The following SULT1E1 variants were observed in gnomAD, a reference collection of about 807,000 sequenced individuals.
SULT1E1 encodes the protein sulfotransferase 1E1.
Under a neutral mutation model 33.6 loss-of-function variants are expected in SULT1E1, and 36 were observed. The observed-to-expected ratio is 1.07, with a 90% CI of 0.82 to 1.41. SULT1E1 has a LOEUF of 1.41. Among genes scored for constraint, SULT1E1 ranks in the 40% most tolerant of loss-of-function variants. SULT1E1 has a pLI of 0.00. For missense variants in SULT1E1, 371 were observed against 345.7 expected (o/e 1.07, Z -0.58); for synonymous variants, 121 against 111.7 (o/e 1.08, Z -0.53).
the SULT1E1 span, among the ~76,000 whole-genome samples, chr4:69,834,270 A>C: frequency 6.6e-6 from 1 of 152,188 alleles, no homozygotes; most frequent in Non-Finnish European, 1.5e-5. Context: ...TAACATTTCA[A>C]ATTTGACACA....
At chr4:69,847,836 A>G (rs1721013534) in intron 5 of SULT1E1, 44 bp from the exon 6 acceptor site, 2 of 1,252,800 alleles carry the variant, frequency 1.6e-6, no homozygotes, top group Admixed American at 1.9e-5. Flanking sequence ...TATCATCTCT[A>G]AAACTGCTCG....
the SULT1E1 span, among the ~76,000 whole-genome samples, chr4:69,831,896 C>T: frequency 1.3e-5 from 2 of 152,184 alleles, no homozygotes; most frequent in Non-Finnish European, 1.5e-5. Context: ...TTACTTCCTG[C>T]GTTAGTCCCT....
rs114898512 is a variant in SULT1E1, at chr4:69,852,887, A to T, written c.369+1330T>A. On this transcript the variant is annotated intron_variant, in intron 4 of 7. Coordinates refer to ENST00000226444, the MANE Select transcript of SULT1E1 (RefSeq NM_005420.3). ...ACAGCAAGTCCACCACTATCCTCCA[A>T]AGGAAAAAAGTGTCTTGGTCAAATC... 5.9e-3 allele frequency among the ~76,000 whole-genome samples: 903 copies of T among 152,164 alleles called. 9 individuals are homozygous for T. The highest frequency in any genetic ancestry group is 0.021 in the African/African-American group (864 of 41,490).
At chr4:69,844,040 A>G in intron 7 of SULT1E1, 121 bp downstream of exon 7, 2 of 828,810 alleles carry the variant, frequency 2.4e-6, no homozygotes, top group Middle Eastern at 2.5e-4. Flanking sequence ...CAAATATGAA[A>G]GACTGCTGAA....
rs1720934944 is a variant in SULT1E1, at chr4:69,844,341, C to T, written c.592G>A (p.Asp198Asn). ...AATTTTATCACCTCTTTTCTGATAT[C>T]CTAGGGAGAGAAAATGTTTTGAGAA... ...LFLFYEDLKEDIRKEVIKLIH... is the reference protein window; with the variant it reads ...LFLFYEDLKENIRKEVIKLIH... Residue 198 changes from aspartate to asparagine, a missense_variant and splice_region_variant, in exon 7 of 8, where the codon GAT becomes AAT. By Grantham distance (23) the Asp-to-Asn change is conservative (BLOSUM62 1). Coordinates refer to ENST00000226444, the MANE Select transcript of SULT1E1 (RefSeq NM_005420.3). The T allele has an allele frequency of 3.8e-6, 6 of 1,594,638 alleles. No homozygotes were observed. Among genetic ancestry groups the T allele is most frequent in the Non-Finnish European group, 5.1e-6 (6 of 1,169,102 alleles).
chr4:69,856,416 G>C (rs932783628), intron 2 of SULT1E1, among the ~76,000 whole-genome samples: 1 of 152,196 alleles, frequency 6.6e-6, no homozygotes, highest in Non-Finnish European at 1.5e-5. Context: ...AGTAGCGGAG[G>C]AGGGATCAAT....
the SULT1E1 span, among the ~76,000 whole-genome samples, chr4:69,828,944 T>C: frequency 6.6e-6 from 1 of 152,208 alleles, no homozygotes; most frequent in African/African-American, 2.4e-5. Flanking sequence ...GTGCAGTCTT[T>C]AAGATCTGAG....
At chr4:69,829,820 T>C in the SULT1E1 span, among the ~76,000 whole-genome samples, 1 of 152,196 alleles carries the variant, frequency 6.6e-6, no homozygotes, top group Non-Finnish European at 1.5e-5. Flanking sequence ...GTCAGGTCAC[T>C]ACCAAATGCT....
chr4:69,847,869 T>A, intron 5 of SULT1E1, 77 bp from the exon 6 acceptor site: 1 of 764,986 alleles, frequency 1.3e-6, no homozygotes, highest in Non-Finnish European at 2.2e-6. Context: ...CAAGCAACAA[T>A]AACAACAAAT....
chr4:69,841,057 A>C (rs543109951), downstream of SULT1E1, among the ~76,000 whole-genome samples: 2 of 152,238 alleles, frequency 1.3e-5, no homozygotes, highest in Non-Finnish European at 2.9e-5. Flanking sequence ...GTCTCAAAAA[A>C]AAAGAAAATA....
the SULT1E1 span, among the ~76,000 whole-genome samples, chr4:69,823,735 G>A: frequency 2.8e-4 from 43 of 152,230 alleles, 1 homozygote; most frequent in Middle Eastern, 3.4e-3. Flanking sequence ...TTTGCCTTTC[G>A]GTCTTTTGCT....
At chr4:69,832,853 G>T in the SULT1E1 span, among the ~76,000 whole-genome samples, 455 of 152,190 alleles carry the variant, frequency 3.0e-3, 4 homozygotes, top group African/African-American at 0.01. Flanking sequence ...CATAGCAGAC[G>T]GCATGGGATT....
chr4:69,837,237 CATA>C (rs1720810892), downstream of SULT1E1, among the ~76,000 whole-genome samples: 2 of 152,000 alleles, frequency 1.3e-5, no homozygotes, highest in African/African-American at 4.8e-5. Flanking sequence ...TTTTCTTTGC[CATA>C]ATGTCATTAT....
At chr4:69,825,150 C>T in the SULT1E1 span, among the ~76,000 whole-genome samples, 4 of 151,668 alleles carry the variant, frequency 2.6e-5, no homozygotes, top group Admixed American at 2.6e-4. Flanking sequence ...ATGAACCCAC[C>T]AGGAGGAACA....
intron 4 of SULT1E1, 63 bp downstream of exon 4, chr4:69,854,154 A>G (rs2110072432): frequency 8.4e-7 from 1 of 1,186,088 alleles, no homozygotes; most frequent in Non-Finnish European, 1.2e-6. Flanking sequence ...TGTATAACTG[A>G]TGAGATCACT....
the SULT1E1 span, among the ~76,000 whole-genome samples, chr4:69,835,882 T>C: frequency 6.6e-6 from 1 of 152,276 alleles, no homozygotes; most frequent in Admixed American, 6.5e-5. Flanking sequence ...GGCCTCAAGC[T>C]ATTCTCCCTC....
intron 7 of SULT1E1, among the ~76,000 whole-genome samples, chr4:69,843,424 C>G (rs1472482587): frequency 6.6e-6 from 1 of 152,122 alleles, no homozygotes; most frequent in African/African-American, 2.4e-5. Context: ...GATCCCTGTT[C>G]TGTTTTGTTT....
At chr4:69,830,992 G>A in the SULT1E1 span, among the ~76,000 whole-genome samples, 34 of 152,268 alleles carry the variant, frequency 2.2e-4, no homozygotes, top group East Asian at 4.1e-3. Context: ...ACTTGGGCAC[G>A]GCCAGACCTG....
the SULT1E1 span, among the ~76,000 whole-genome samples, chr4:69,826,532 C>A: frequency 3.3e-5 from 5 of 152,136 alleles, no homozygotes; most frequent in South Asian, 6.2e-4. Flanking sequence ...AGGGGAGAAA[C>A]AAAGCAAAAC....
Sources: allele counts gnomAD v4.1 joint callset (sites outside exome capture counted in the v4.1 genomes callset), GRCh38; gene constraint gnomAD v4.1.1; transcripts MANE v1.5; gene names NCBI Gene and HGNC (gene_info 2026-07-23, HGNC 2026-07-21).